ACYP2: variants seen among roughly 807,000 people sequenced by gnomAD.
ACYP2 encodes the protein acylphosphatase-2.
In ACYP2, 12 loss-of-function variants were observed where a neutral mutation model predicts 11.2. That is an observed-to-expected ratio of 1.08 (90% CI 0.69 to 1.74). ACYP2 has a LOEUF of 1.74. Ranked by LOEUF, ACYP2 falls within the 40% of genes most tolerant of loss-of-function variation. ACYP2 has a pLI of 0.00. For synonymous variants in ACYP2, 43 were observed against 32.2 expected (o/e 1.33, Z -1.13); for missense variants, 134 against 101.9 (o/e 1.31, Z -1.35).
chr2:54,036,124 T>G (rs1674886959), intron 2 of ACYP2, among the ~76,000 whole-genome samples: 1 of 152,190 alleles, frequency 6.6e-6, no homozygotes, highest in African/African-American at 2.4e-5. Context: ...AGGCAGGGTC[T>G]TGCTCTGTCA....
chr2:54,273,047 G>A (rs920822975), intron 6 of ACYP2, among the ~76,000 whole-genome samples: 1 of 152,200 alleles, frequency 6.6e-6, no homozygotes, highest in Non-Finnish European at 1.5e-5. Context: ...GGATCAAGGT[G>A]GGAACAGTGG....
chr2:54,108,392 C>T (rs1170006909), intron 4 of ACYP2, among the ~76,000 whole-genome samples: 7 of 152,194 alleles, frequency 4.6e-5, no homozygotes, highest in East Asian at 1.9e-4. Context: ...TTTAAAGACA[C>T]GAAGGCCCTT....
At chr2:54,192,865 A>G (rs1053560924) in intron 6 of ACYP2, among the ~76,000 whole-genome samples, 10 of 152,246 alleles carry the variant, frequency 6.6e-5, no homozygotes, top group Admixed American at 6.5e-4. Flanking sequence ...GACACTTATA[A>G]AACCATCAGA....
intron 2 of ACYP2, among the ~76,000 whole-genome samples, chr2:54,048,508 A>G (rs1004695075): frequency 5.9e-5 from 9 of 152,152 alleles, no homozygotes; most frequent in Non-Finnish European, 4.4e-5. Context: ...AATTAAATCA[A>G]TTAGTTAATT....
At chr2:54,069,896 G>A (rs1388621221) in intron 4 of ACYP2, among the ~76,000 whole-genome samples, 6 of 152,128 alleles carry the variant, frequency 3.9e-5, no homozygotes, top group Non-Finnish European at 8.8e-5. Flanking sequence ...ATGAAAGAGA[G>A]AAGATATTGT....
chr2:54,259,836 A>T (rs1687705481), intron 6 of ACYP2, among the ~76,000 whole-genome samples: 1 of 152,204 alleles, frequency 6.6e-6, no homozygotes, highest in South Asian at 2.1e-4. Flanking sequence ...TTAAGAGAAA[A>T]CAGGAAGCGA....
chr2:54,033,761 G>A (rs559000170), intron 2 of ACYP2, among the ~76,000 whole-genome samples: 12 of 152,266 alleles, frequency 7.9e-5, no homozygotes, highest in Admixed American at 2.6e-4. Flanking sequence ...AAGACCAGCC[G>A]GATGGCTGTT....
chr2:54,094,747 T>C (rs1678425722), intron 4 of ACYP2, among the ~76,000 whole-genome samples: 1 of 147,296 alleles, frequency 6.8e-6, no homozygotes, highest in South Asian at 2.2e-4. Flanking sequence ...CACGTTGGCC[T>C]GACTGGTCTC....
In ACYP2 at chr2:54,002,899, C is replaced by T. The variant is rs184310782; in HGVS notation, c.62+29089C>T. On this transcript the variant is annotated intron_variant, in intron 2 of 6. Coordinates refer to ENST00000607452, the MANE Select transcript of ACYP2 (RefSeq NM_001320586.2). ...CTCACCTCAGGTGATCCGCCCGCCTCGGCCTCCCAAAGTGCTGGGATTACA... is the reference window on the plus strand; with the variant it reads ...CTCACCTCAGGTGATCCGCCCGCCTTGGCCTCCCAAAGTGCTGGGATTACA... 6.7e-3 allele frequency among the ~76,000 whole-genome samples: 1,011 copies of T among 151,320 alleles called. 13 individuals are homozygous for T. The highest frequency in any genetic ancestry group is 0.011 in the Admixed American group (173 of 15,186).
chr2:54,234,135 A>G (rs1006303327), intron 6 of ACYP2, among the ~76,000 whole-genome samples: 5 of 152,204 alleles, frequency 3.3e-5, no homozygotes, highest in Admixed American at 3.3e-4. Context: ...GTTTGATGAT[A>G]GGAATAAGAG....
chr2:54,225,377 TCA>T lies in ACYP2; in HGVS notation c.405-79308_405-79307del, dbSNP rs1361440820. ...AATACACCATATTTATATTTTTAAG[TCA>T]CAGAGAAAAACAAGGGTGTTTTAAA... On this transcript the variant is annotated intron_variant, in intron 6 of 6. Coordinates refer to ENST00000607452, the MANE Select transcript of ACYP2 (RefSeq NM_001320586.2). Among the ~76,000 whole-genome samples, 5 of 152,326 alleles carry T rather than the reference TCA, an allele frequency of 3.3e-5. No homozygotes were observed. The East Asian group carries it at 9.6e-4, about 29-fold the overall frequency.
At position 54,207,517 on chromosome 2, in the gene ACYP2, A is replaced by C. The variant is rs538847211; in HGVS notation, c.404+68769A>C. Among the ~76,000 whole-genome samples the C allele has an allele frequency of 2.0e-5, 3 of 152,356 alleles. No individual in the cohort carries two copies. The South Asian group carries it at 6.2e-4, about 32-fold the overall frequency. Reference sequence around the variant, plus strand: ...CATATCTACAAAATACTTTTACAGCAACTTCTAGACTAAAATTTGACCAAA... The same window carrying C: ...CATATCTACAAAATACTTTTACAGCCACTTCTAGACTAAAATTTGACCAAA... On this transcript the variant is annotated intron_variant, in intron 6 of 6. Coordinates refer to ENST00000607452, the MANE Select transcript of ACYP2 (RefSeq NM_001320586.2).
intron 2 of ACYP2, among the ~76,000 whole-genome samples, chr2:54,027,837 C>CTTTCTTTT (rs772573473): frequency 2.0e-4 from 20 of 97,890 alleles, no homozygotes; most frequent in South Asian, 3.7e-4. Context: ...TTCTTTCTTT[C>CTTTCTTTT]TTTTTTTTTT....
intron 6 of ACYP2, among the ~76,000 whole-genome samples, chr2:54,237,457 G>T (rs186451474): frequency 1.3e-5 from 2 of 152,210 alleles, no homozygotes; most frequent in East Asian, 3.9e-4. Context: ...TTAGACTATC[G>T]ATACAAATTC....
chr2:54,019,162 G>A (rs1171217896), intron 2 of ACYP2, among the ~76,000 whole-genome samples: 1 of 151,790 alleles, frequency 6.6e-6, no homozygotes. Context: ...AACCTCCTGG[G>A]CTCAAGCAAT....
chr2:54,139,079 G>T (rs1487996910), intron 6 of ACYP2, among the ~76,000 whole-genome samples: 1 of 152,204 alleles, frequency 6.6e-6, no homozygotes, highest in African/African-American at 2.4e-5. Context: ...CTCAGAGTTG[G>T]GAGTAGCATT....
intron 2 of ACYP2, among the ~76,000 whole-genome samples, chr2:54,000,280 C>G (rs1672742886): frequency 6.6e-6 from 1 of 151,984 alleles, no homozygotes; most frequent in African/African-American, 2.4e-5. Context: ...AAAGTATGTC[C>G]CCAGAGCCTG....
chr2:54,165,568 C>CACACACACACAT (rs1209994057), intron 6 of ACYP2, among the ~76,000 whole-genome samples: 1 of 150,688 alleles, frequency 6.6e-6, no homozygotes, highest in Non-Finnish European at 1.5e-5. Context: ...CACACACACA[C>CACACACACACAT]ACACATTAGA....
At chr2:54,248,458 T>C (rs1161433533) in intron 6 of ACYP2, among the ~76,000 whole-genome samples, 1 of 152,152 alleles carries the variant, frequency 6.6e-6, no homozygotes, top group Non-Finnish European at 1.5e-5. Context: ...GCCCTAGGGA[T>C]ACATAGATGA....
Sources: allele counts gnomAD v4.1 joint callset (sites outside exome capture counted in the v4.1 genomes callset), GRCh38; gene constraint gnomAD v4.1.1; transcripts MANE v1.5; gene names NCBI Gene and HGNC (gene_info 2026-07-23, HGNC 2026-07-21).